AGGF1: variants seen among roughly 807,000 people sequenced by gnomAD.
AGGF1 encodes the protein angiogenic factor with G patch and FHA domains 1.
In AGGF1, 56 loss-of-function variants were observed where a neutral mutation model predicts 86.5. The observed-to-expected ratio is 0.65, with a 90% CI of 0.52 to 0.81. The LOEUF is 0.81. AGGF1 is among the 30% of genes least tolerant of loss of function. The pLI is 0.00. For missense variants in AGGF1, 816 were observed against 850.9 expected (o/e 0.96, Z 0.51); for synonymous variants, 313 against 297.1 (o/e 1.05, Z -0.55).
rs1449383729 is a variant in AGGF1, at chr5:77,039,623, G to A, written c.774G>A (p.Leu258=). 9 of 1,613,130 alleles carry A rather than the reference G, an allele frequency of 5.6e-6. No individual in the cohort carries two copies. The highest frequency in any genetic ancestry group is 1.7e-5 in the Admixed American group (1 of 59,992). Residue 258 remains leucine, a synonymous_variant, in exon 5 of 14, where the codon TTG becomes TTA. Coordinates refer to ENST00000312916, the MANE Select transcript of AGGF1 (RefSeq NM_018046.5). ...ATCAGTTTCATTCTCGAGTAGATTT[G>A]CAACCTTATCCGACTTCTAGCACAA... ...GRYQFHSRVD[L]QPYPTSSTKQ... is the part of the protein sequence containing the mutation.
chr5:77,046,762 A>G (rs1167421819), intron 6 of AGGF1, 85 bp downstream of exon 6: 7 of 1,246,674 alleles, frequency 5.6e-6, no homozygotes, highest in Non-Finnish European at 8.2e-6. Context: ...AGTGAGTTGT[A>G]GTATATCTGC....
At chr5:77,036,793 A>T in intron 4 of AGGF1, 73 bp downstream of exon 4, 1 of 1,530,974 alleles carries the variant, frequency 6.5e-7, no homozygotes. Flanking sequence ...GCTGGAGTGC[A>T]GTGGAGTGAT....
At chr5:77,048,677 G>A (rs369793384) in intron 7 of AGGF1, among the ~76,000 whole-genome samples, 7 of 152,286 alleles carry the variant, frequency 4.6e-5, no homozygotes, top group African/African-American at 7.2e-5. Flanking sequence ...TCTATGTGCT[G>A]TGGATACAAA....
chr5:77,039,143 T>C (rs1012728165), intron 4 of AGGF1, among the ~76,000 whole-genome samples: 13 of 152,150 alleles, frequency 8.5e-5, no homozygotes, highest in Non-Finnish European at 5.9e-5. Context: ...GAGTCTAGAA[T>C]TGCGCTCATA....
intron 9 of AGGF1, among the ~76,000 whole-genome samples, chr5:77,053,674 A>G (rs555142511): frequency 2.0e-5 from 3 of 152,242 alleles, no homozygotes; most frequent in African/African-American, 7.2e-5. Flanking sequence ...TGATGATTAT[A>G]TGTTTTGGTA....
intron 8 of AGGF1, among the ~76,000 whole-genome samples, chr5:77,050,110 A>G (rs1013824181): frequency 1.3e-5 from 2 of 151,970 alleles, no homozygotes; most frequent in Admixed American, 6.6e-5. Context: ...GAAAGAGGAA[A>G]AAGTCCTCTT....
chr5:77,040,046 T>C (rs1747041535), intron 5 of AGGF1, among the ~76,000 whole-genome samples: 1 of 151,934 alleles, frequency 6.6e-6, no homozygotes. Flanking sequence ...AGTTTATAGG[T>C]AGACATAGAT....
In AGGF1 at chr5:77,065,130, A is replaced by G. The variant is rs1206886282; in HGVS notation, c.*1878A>G. On this transcript the variant is annotated 3_prime_UTR_variant, in exon 14 of 14. Transcript: ENST00000312916. ...GAAAATGTATATAAAAGCACTTTGT[A>G]AATTGTAAAAGTAGTACAGATGTGA... 6.6e-6 allele frequency: 1 copy of G among 152,234 alleles called. No homozygotes were observed. The highest frequency in any genetic ancestry group is 2.4e-5 in the African/African-American group (1 of 41,478). 9.4% of individuals were successfully genotyped at this position (152,234 alleles called of 1,614,324 possible). A position where few individuals can be genotyped will look rare whatever the true frequency, so the allele number is the denominator to read the frequency against.
Position 77,063,284 on chromosome 5 carries a change from T to G in AGGF1, c.*32T>G. 6.3e-7 allele frequency: 1 copy of G among 1,596,616 alleles called. No homozygotes were observed. The highest frequency in any genetic ancestry group is 8.6e-7 in the Non-Finnish European group (1 of 1,167,928). On this transcript the variant is annotated 3_prime_UTR_variant, in exon 14 of 14. Transcript: ENST00000312916. The stretch of plus-strand genomic sequence containing the variant: ...ATCATAGAAAAAAAACCTCTAGTTT[T>G]TTTAAAAATAGAATTTGGAAACTTA...
rs7717064 is a variant in AGGF1 at position 77,032,274 on chromosome 5, A to G, written c.210+1298A>G. ...TGGTAAAAAAAAAAAAAAAAAAAAA[A>G]CAGGGAGAGGTGGCTGGGCGCGGTG... On this transcript the variant is annotated intron_variant, in intron 1 of 13. Transcript: ENST00000312916. Among the ~76,000 whole-genome samples the G allele has an allele frequency of 4.3e-3, 636 of 149,130 alleles. 8 individuals are homozygous for G. Among genetic ancestry groups the G allele is most frequent in the African/African-American group, 0.015 (599 of 40,378 alleles).
chr5:77,041,781 CTTT>C (rs202243111), intron 5 of AGGF1, among the ~76,000 whole-genome samples: 1 of 106,500 alleles, frequency 9.4e-6, no homozygotes, highest in African/African-American at 3.6e-5. Context: ...AAGACAAGAA[CTTT>C]TTTTATTTAT....
At chr5:77,047,232 C>T (rs1747285273) in intron 6 of AGGF1, among the ~76,000 whole-genome samples, 1 of 152,170 alleles carries the variant, frequency 6.6e-6, no homozygotes, top group Admixed American at 6.6e-5. Context: ...TACATCTGTA[C>T]TGAACATGTA....
chr5:77,030,575 T>C lies in AGGF1; in HGVS notation c.-192T>C, dbSNP rs1030523192. On this transcript the variant is annotated 5_prime_UTR_variant, in exon 1 of 14. Coordinates refer to ENST00000312916, the MANE Select transcript of AGGF1 (RefSeq NM_018046.5). ...CGGGCAGGGGCCATCCTCGGTCCCC[T>C]TGCTCGTTGCTCGCAGCCCCGTTCG... The C allele has an allele frequency of 5.3e-5, 39 of 734,932 alleles. 1 individual carries two copies. The East Asian group carries it at 1.0e-3, about 19-fold the overall frequency. 45.5% of individuals were successfully genotyped at this position (734,932 alleles called of 1,614,324 possible).
chr5:77,039,146 C>A (rs554966558), intron 4 of AGGF1, among the ~76,000 whole-genome samples: 1 of 152,040 alleles, frequency 6.6e-6, no homozygotes, highest in Non-Finnish European at 1.5e-5. Flanking sequence ...TCTAGAATTG[C>A]GCTCATATGG....
Position 77,030,608 on chromosome 5 carries a change from G to A in AGGF1, c.-159G>A, listed in dbSNP as rs1020124461. 1 of 828,668 alleles carries A rather than the reference G, an allele frequency of 1.2e-6. No individual in the cohort carries two copies. The highest frequency in any genetic ancestry group is 2.0e-5 in the Admixed American group (1 of 49,934). 51.3% of individuals were successfully genotyped at this position (828,668 alleles called of 1,614,324 possible). ...TGCTCGCAGCCCCGTTCGGCTACAAGTGAGTTTCAGGGCGTCATGGCCAGG... is the reference window on the plus strand; with the variant it reads ...TGCTCGCAGCCCCGTTCGGCTACAAATGAGTTTCAGGGCGTCATGGCCAGG... On this transcript the variant is annotated 5_prime_UTR_variant, in exon 1 of 14. In the 5' UTR this introduces an upstream ATG that the reference lacks. Coordinates refer to ENST00000312916, the MANE Select transcript of AGGF1 (RefSeq NM_018046.5).
intron 1 of AGGF1, among the ~76,000 whole-genome samples, chr5:77,032,660 A>G (rs1210564586): frequency 1.3e-5 from 2 of 152,012 alleles, no homozygotes; most frequent in East Asian, 3.8e-4. Flanking sequence ...ATAATTCTAA[A>G]TTGTTGAAGT....
chr5:77,032,642 G>A (rs1465166600), intron 1 of AGGF1, among the ~76,000 whole-genome samples: 1 of 151,154 alleles, frequency 6.6e-6, no homozygotes, highest in African/African-American at 2.4e-5. Flanking sequence ...CTTTTGAAAA[G>A]CTCCTTTATA....
At chr5:77,062,783 A>G (rs1236804011) in intron 13 of AGGF1, among the ~76,000 whole-genome samples, 1 of 152,192 alleles carries the variant, frequency 6.6e-6, no homozygotes, top group African/African-American at 2.4e-5. Context: ...CAGCATCTAA[A>G]TGAAATTTGG....
At chr5:77,055,076 A>G (rs1747437240) in intron 10 of AGGF1, among the ~76,000 whole-genome samples, 1 of 152,182 alleles carries the variant, frequency 6.6e-6, no homozygotes, top group Non-Finnish European at 1.5e-5. Context: ...CCAAGTTTGC[A>G]TGTTCATTGT....
Sources: allele counts gnomAD v4.1 joint callset (sites outside exome capture counted in the v4.1 genomes callset), GRCh38; gene constraint gnomAD v4.1.1; transcripts MANE v1.5; gene names NCBI Gene and HGNC (gene_info 2026-07-23, HGNC 2026-07-21).